The following CMSS1 variants were observed in gnomAD, a reference collection of about 807,000 sequenced individuals.
CMSS1 encodes the protein cms1 ribosomal small subunit homolog.
A neutral mutation model predicts 43.5 loss-of-function variants in CMSS1; 33 were observed. The ratio of observed to expected loss-of-function variants is 0.76; its 90% CI spans 0.57 to 1.01. The LOEUF (loss-of-function observed/expected upper bound fraction) is 1.01. CMSS1 is among the 50% of genes least tolerant of loss of function. CMSS1 has a pLI of 0.00. For missense variants in CMSS1, 313 were observed against 326.4 expected, an observed-to-expected ratio of 0.96 and a Z score of 0.32; for synonymous variants, 115 against 117.2, an observed-to-expected ratio of 0.98 and a Z score of 0.12.
rs774550042 is a variant in CMSS1, at chr3:100,176,336, A to G, written c.677A>G (p.Asn226Ser). The change falls in exon 9 of 10, where the codon AAT becomes AGT. Residue 226 changes from asparagine (N) to serine (S), a missense_variant. Transcript: ENST00000421999. ...TTCCTGTCTCTTTCAGGTGGCCTTA[A>G]TTTGAGCCCCTTAAAATTTCTGGTT... is the stretch of plus-strand genomic sequence containing the variant. ...IKELVKQGGL[N>S]LSPLKFLVFD... is the part of the protein sequence containing the mutation. The G allele has an allele frequency of 5.0e-6, 8 of 1,611,852 alleles. No homozygotes were observed. The South Asian group carries it at 7.7e-5, about 15-fold the overall frequency.
At chr3:99,847,012 C>A (rs1396283496) in intron 1 of CMSS1, among the ~76,000 whole-genome samples, 1 of 152,170 alleles carries the variant, frequency 6.6e-6, no homozygotes, top group Non-Finnish European at 1.5e-5. Context: ...CAGGGACTCC[C>A]ATGAGGCAGA....
intron 1 of CMSS1, among the ~76,000 whole-genome samples, chr3:100,109,201 T>C (rs529229879): frequency 5.9e-5 from 9 of 152,218 alleles, no homozygotes; most frequent in Admixed American, 2.6e-4. Context: ...TCTTTTTCTT[T>C]TGTGTGTTTT....
intron 1 of CMSS1, among the ~76,000 whole-genome samples, chr3:100,060,882 C>T (rs1470194397): frequency 6.6e-6 from 1 of 151,990 alleles, no homozygotes; most frequent in South Asian, 2.1e-4. Context: ...AAATAAAAAA[C>T]AAATAGGGCA....
At chr3:99,830,214 C>T (rs555518497) in intron 1 of CMSS1, 24 of 294,720 alleles carry the variant, frequency 8.1e-5, no homozygotes, top group South Asian at 6.1e-4. Context: ...TCTAGGCCTG[C>T]GAGTGTTTGT....
chr3:100,176,542 T>A, intron 9 of CMSS1, 127 bp downstream of exon 9: 1 of 624,618 alleles, frequency 1.6e-6, no homozygotes, highest in Non-Finnish European at 2.8e-6. Flanking sequence ...TCTATCTTTT[T>A]TAACTCTGAG....
At chr3:99,917,332 C>A (rs986680311) in intron 1 of CMSS1, among the ~76,000 whole-genome samples, 1 of 152,264 alleles carries the variant, frequency 6.6e-6, no homozygotes, top group South Asian at 2.1e-4. Flanking sequence ...TGTCTTTTCA[C>A]CTGTATTTTA....
chr3:99,902,760 G>C lies in CMSS1; in HGVS notation c.64+84717G>C, dbSNP rs534096868. Among the ~76,000 whole-genome samples, 5 of 152,162 alleles carry C rather than the reference G, an allele frequency of 3.3e-5. No homozygotes were observed. In the East Asian group the frequency reaches 9.7e-4, roughly 29 times the overall value. On this transcript the variant is annotated intron_variant, in intron 1 of 9. Transcript: ENST00000421999. ...CCATGTTATGCTTTCTACTATTCTA[G>C]TTGCCTGTCATGGAAAAGGTTTAAC...
intron 1 of CMSS1, among the ~76,000 whole-genome samples, chr3:99,937,468 T>C (rs1707715337): frequency 6.6e-6 from 1 of 152,244 alleles, no homozygotes; most frequent in African/African-American, 2.4e-5. Context: ...CATGTCTTAA[T>C]AGAAAGAGTA....
intron 1 of CMSS1, among the ~76,000 whole-genome samples, chr3:100,003,602 A>T (rs1709905429): frequency 6.6e-6 from 1 of 152,156 alleles, no homozygotes; most frequent in Non-Finnish European, 1.5e-5. Context: ...CACTAAGTAC[A>T]GTGTTTTTTC....
chr3:100,159,814 C>T lies in CMSS1; in HGVS notation c.154-616C>T, dbSNP rs554078029. The T allele has an allele frequency of 4.0e-5, 18 of 451,634 alleles. No homozygotes were observed. The East Asian group carries it at 1.3e-3, about 32-fold the overall frequency. The allele number at this position is 451,634 out of a possible 1,614,324, so 28.0% of individuals were successfully genotyped here. Reference sequence around the variant, plus strand: ...TCAAGGCAACAGGCAAAACAGATTACTCTAGATACTGTGGTGCTGAGACGG... The same window carrying T: ...TCAAGGCAACAGGCAAAACAGATTATTCTAGATACTGTGGTGCTGAGACGG... On this transcript the variant is annotated intron_variant, in intron 2 of 9. Transcript: ENST00000421999.
At chr3:100,055,202 G>A (rs189245333) in intron 1 of CMSS1, among the ~76,000 whole-genome samples, 281 of 152,166 alleles carry the variant, frequency 1.8e-3, no homozygotes, top group Middle Eastern at 3.4e-3. Flanking sequence ...CAATTTCTTC[G>A]TGTATGCATA....
chr3:100,175,670 G>A lies in CMSS1; in HGVS notation c.668-657G>A, dbSNP rs116984105. On this transcript the variant is annotated intron_variant, in intron 8 of 9. Transcript: ENST00000421999. ...TGCAGGTACTGTTAACACAAGAGAC[G>A]TGGAACAGCTTGGAGCAGAGGCAAG... Among the ~76,000 whole-genome samples the A allele has an allele frequency of 6.8e-4, 104 of 152,270 alleles. 2 individuals are homozygous for A. In the East Asian group the frequency reaches 0.018, roughly 26 times the overall value.
At chr3:99,989,498 G>A (rs564350687) in intron 1 of CMSS1, among the ~76,000 whole-genome samples, 10 of 152,238 alleles carry the variant, frequency 6.6e-5, no homozygotes, top group Non-Finnish European at 1.2e-4. Context: ...TCCAACCCTT[G>A]ACTCCATTTC....
At chr3:99,995,328 T>C (rs556004591) in intron 1 of CMSS1, among the ~76,000 whole-genome samples, 15 of 152,326 alleles carry the variant, frequency 9.8e-5, no homozygotes, top group African/African-American at 3.4e-4. Flanking sequence ...AGGTCTCACA[T>C]CCAGGTCACA....
chr3:99,952,876 A>G (rs1380778515), intron 1 of CMSS1, among the ~76,000 whole-genome samples: 1 of 152,188 alleles, frequency 6.6e-6, no homozygotes, highest in Non-Finnish European at 1.5e-5. Context: ...TTTCTGCATA[A>G]TGAAAAAAAG....
At chr3:100,053,283 T>C (rs775708792) in intron 1 of CMSS1, among the ~76,000 whole-genome samples, 1 of 152,214 alleles carries the variant, frequency 6.6e-6, no homozygotes, top group Admixed American at 6.5e-5. Flanking sequence ...CTCACAGTTC[T>C]AGAGGCTAGA....
chr3:99,950,037 C>T (rs1258411710), intron 1 of CMSS1, among the ~76,000 whole-genome samples: 2 of 152,100 alleles, frequency 1.3e-5, no homozygotes, highest in Non-Finnish European at 1.5e-5. Context: ...GTATTTTTGG[C>T]TACCTGCTAA....
chr3:99,846,564 CTAAGA>C (rs1317777499), intron 1 of CMSS1, among the ~76,000 whole-genome samples: 1 of 152,170 alleles, frequency 6.6e-6, no homozygotes, highest in Non-Finnish European at 1.5e-5. Flanking sequence ...CTGTTGATTC[CTAAGA>C]TAAATGTGTT....
Position 100,173,100 on chromosome 3 carries a change from T to C in CMSS1, c.667+697T>C, listed in dbSNP as rs921263902. Among the ~76,000 whole-genome samples, 9 of 152,360 alleles carry C rather than the reference T, an allele frequency of 5.9e-5. No individual in the cohort carries two copies. The South Asian group carries it at 1.4e-3, about 25-fold the overall frequency. ...TCAGATTATTTTATATATCTAAAAG[T>C]AATGTGTTCATCAGTGTAGTAACTC... On this transcript the variant is annotated intron_variant, in intron 8 of 9. Coordinates refer to ENST00000421999, the MANE Select transcript of CMSS1 (RefSeq NM_032359.4).
Sources: allele counts gnomAD v4.1 joint callset (sites outside exome capture counted in the v4.1 genomes callset), GRCh38; gene constraint gnomAD v4.1.1; transcripts MANE v1.5; gene names NCBI Gene and HGNC (gene_info 2026-07-23, HGNC 2026-07-21).